Variants in RBFOX1 observed in about 807,000 individuals in gnomAD.
The protein encoded by RBFOX1 is RNA binding protein fox-1 homolog 1.
Under a neutral mutation model 57.7 loss-of-function variants are expected in RBFOX1, and 8 were observed. The observed-to-expected ratio is 0.14, with a 90% CI of 0.08 to 0.25. RBFOX1 has a LOEUF of 0.25. Ranked by LOEUF, RBFOX1 falls within the 10% of genes least tolerant of loss-of-function variation. The probability of loss-of-function intolerance (pLI) is 1.00; values close to 1 mark genes in which losing one functional copy is unlikely to be tolerated. For missense variants in RBFOX1, 611 were observed against 548.5 expected (o/e 1.11, Z -1.14); for synonymous variants, 326 against 222.4 (o/e 1.47, Z -4.15).
intron 3 of RBFOX1, among the ~76,000 whole-genome samples, chr16:6,691,678 C>A (rs909678010): frequency 1.3e-5 from 2 of 152,148 alleles, no homozygotes; most frequent in African/African-American, 4.8e-5. Flanking sequence ...GGATAATGGT[C>A]CTCCAAACTG....
intron 5 of RBFOX1, among the ~76,000 whole-genome samples, chr16:7,552,924 C>G (rs2087031538): frequency 6.6e-6 from 1 of 152,060 alleles, no homozygotes; most frequent in South Asian, 2.1e-4. Context: ...CTCAGGTGAT[C>G]TGCCCGCCTC....
chr16:7,310,041 G>T (rs1176004633), intron 4 of RBFOX1, among the ~76,000 whole-genome samples: 4 of 152,254 alleles, frequency 2.6e-5, no homozygotes, highest in Non-Finnish European at 5.9e-5. Flanking sequence ...CTGTTGGCAT[G>T]ATGCAGCTTG....
chr16:7,337,835 C>G (rs146130959), intron 4 of RBFOX1, among the ~76,000 whole-genome samples: 247 of 152,256 alleles, frequency 1.6e-3, no homozygotes, highest in Non-Finnish European at 2.5e-3. Context: ...CAGGCACGTG[C>G]CACCACACCC....
rs114064377 is a variant in RBFOX1, at chr16:7,156,539, A to G, written c.27+104441A>G. Among the ~76,000 whole-genome samples, 673 of 152,220 alleles carry G rather than the reference A, an allele frequency of 4.4e-3. 2 individuals carry two copies. The highest frequency in any genetic ancestry group is 0.015 in the African/African-American group (638 of 41,552). On this transcript the variant is annotated intron_variant, in intron 4 of 15. Transcript: ENST00000550418. The stretch of plus-strand genomic sequence containing the variant: ...TGCATGTAGATATATATGTGTACAT[A>G]TGCATGTAGATATACATATGTGTAC...
At chr16:5,735,327 G>A (rs1163586115) in intron 3 of RBFOX1, among the ~76,000 whole-genome samples, 2 of 152,208 alleles carry the variant, frequency 1.3e-5, no homozygotes, top group Non-Finnish European at 2.9e-5. Context: ...TGAAATGACA[G>A]AACAAAGCAG....
chr16:5,962,825 T>G lies in RBFOX1; in HGVS notation c.351+95490T>G, dbSNP rs555870222. Among the ~76,000 whole-genome samples the G allele has an allele frequency of 1.1e-4, 17 of 150,964 alleles. No homozygotes were observed. The East Asian group carries it at 2.5e-3, about 22-fold the overall frequency. ...ATGAGAAGTGAGGGTTTGGTTTTTT[T>G]TTTTTTTTTTTTAATATATAATGAT... On this transcript the variant is annotated intron_variant, in intron 4 of 19. Coordinates refer to the RBFOX1 transcript ENST00000641259.
intron 3 of RBFOX1, among the ~76,000 whole-genome samples, chr16:6,827,009 A>G (rs2092236277): frequency 6.6e-6 from 1 of 152,186 alleles, no homozygotes; most frequent in Non-Finnish European, 1.5e-5. Context: ...CATGCTGTAA[A>G]CTAACTTTTT....
chr16:6,173,312 A>G (rs924910135), intron 1 of RBFOX1, among the ~76,000 whole-genome samples: 1 of 152,166 alleles, frequency 6.6e-6, no homozygotes, highest in Admixed American at 6.5e-5. Flanking sequence ...TGCCATAGGA[A>G]TTAACGGTGA....
rs181755836 is a variant in RBFOX1 at position 7,617,260 on chromosome 16, G to A, written c.676+9922G>A. Among the ~76,000 whole-genome samples the A allele has an allele frequency of 2.9e-3, 434 of 152,268 alleles. 3 individuals carry two copies. The highest frequency in any genetic ancestry group is 3.2e-3 in the Non-Finnish European group (217 of 68,024). ...TCAACTACTGAGTTCTGCCATTGCC[G>A]TGTAAAAGTAGCCATAGACAATGTG... On this transcript the variant is annotated intron_variant, in intron 10 of 15. Coordinates refer to ENST00000550418, the MANE Select transcript of RBFOX1 (RefSeq NM_018723.4).
At chr16:6,218,302 TTTAC>T (rs1301440182) in intron 1 of RBFOX1, among the ~76,000 whole-genome samples, 2 of 107,458 alleles carry the variant, frequency 1.9e-5, no homozygotes, top group Non-Finnish European at 4.1e-5. Flanking sequence ...TATTTATTTA[TTTAC>T]TTATTTATTT....
At chr16:6,977,668 A>G (rs1262990651) in intron 3 of RBFOX1, among the ~76,000 whole-genome samples, 1 of 152,268 alleles carries the variant, frequency 6.6e-6, no homozygotes, top group East Asian at 1.9e-4. Context: ...GCACTAACCG[A>G]GTGCCAAGCA....
chr16:6,481,232 C>G (rs576850228), intron 2 of RBFOX1, among the ~76,000 whole-genome samples: 3 of 152,342 alleles, frequency 2.0e-5, no homozygotes, highest in Admixed American at 6.5e-5. Flanking sequence ...ACAACCTTCT[C>G]TCTGTATCAT....
At chr16:6,951,878 C>A (rs2080841572) in intron 3 of RBFOX1, among the ~76,000 whole-genome samples, 3 of 150,676 alleles carry the variant, frequency 2.0e-5, no homozygotes, top group African/African-American at 7.5e-5. Context: ...GGATTACAGG[C>A]ATATGCACCA....
intron 4 of RBFOX1, among the ~76,000 whole-genome samples, chr16:5,940,109 C>T (rs560041522): frequency 1.3e-4 from 20 of 152,152 alleles, no homozygotes; most frequent in Non-Finnish European, 2.4e-4. Flanking sequence ...AGGCTCACCC[C>T]GTATTCCACA....
chr16:7,012,427 T>C (rs936390854), intron 3 of RBFOX1, among the ~76,000 whole-genome samples: 8 of 152,176 alleles, frequency 5.3e-5, no homozygotes, highest in Non-Finnish European at 1.0e-4. Context: ...GGGTGTGTCA[T>C]AGGCAAGGAG....
At chr16:7,055,468 C>T (rs1393088325) in intron 4 of RBFOX1, among the ~76,000 whole-genome samples, 1 of 152,160 alleles carries the variant, frequency 6.6e-6, no homozygotes, top group African/African-American at 2.4e-5. Context: ...CCTTTCTTTC[C>T]TTCTTCCAAG....
At chr16:5,762,001 C>T (rs1005352386) in intron 3 of RBFOX1, among the ~76,000 whole-genome samples, 3 of 152,094 alleles carry the variant, frequency 2.0e-5, no homozygotes, top group African/African-American at 7.2e-5. Flanking sequence ...GTCACCTGCG[C>T]CTCCTTGGGC....
At chr16:6,399,094 C>A (rs535492483) in intron 2 of RBFOX1, among the ~76,000 whole-genome samples, 1 of 152,346 alleles carries the variant, frequency 6.6e-6, no homozygotes, top group African/African-American at 2.4e-5. Context: ...AGGCTTGGGG[C>A]TTGCACCCTC....
chr16:5,346,871 C>G (rs542788887), intron 1 of RBFOX1, among the ~76,000 whole-genome samples: 1 of 152,174 alleles, frequency 6.6e-6, no homozygotes, highest in Non-Finnish European at 1.5e-5. Context: ...CCCTCAAGAG[C>G]TGGTGTGGGG....
Sources: allele counts gnomAD v4.1 joint callset (sites outside exome capture counted in the v4.1 genomes callset), GRCh38; gene constraint gnomAD v4.1.1; transcripts MANE v1.5; gene names NCBI Gene and HGNC (gene_info 2026-07-23, HGNC 2026-07-21).